TOLLIP: variants seen among roughly 807,000 people sequenced by gnomAD.
TOLLIP encodes the protein toll interacting protein, also known as toll-interacting protein.
A neutral mutation model predicts 33.5 loss-of-function variants in TOLLIP; 16 were observed. That is an observed-to-expected ratio of 0.48 (90% confidence interval 0.32 to 0.72). The LOEUF is 0.72. TOLLIP is among the 30% of genes least tolerant of loss of function. TOLLIP has a pLI of 0.03. For missense variants in TOLLIP, 325 were observed against 396.6 expected (o/e 0.82, Z 1.53); for synonymous variants, 176 against 163.7 (o/e 1.07, Z -0.57).
chr11:1,302,688 C>A, intron 1 of TOLLIP: 1 of 986,248 alleles, frequency 1.0e-6, no homozygotes, highest in Non-Finnish European at 1.2e-6. Context: ...GCCTCATGCT[C>A]CACGCCAGTC....
chr11:1,286,018 G>C lies in TOLLIP; in HGVS notation c.594C>G (p.Gly198=). ...LMPTVYQQGV[G]YVPITGMPAV... is the part of the protein sequence containing the mutation. The stretch of plus-strand genomic sequence containing the variant: ...CACACGCACCTGTGATGGGCACATA[G>C]CCAACGCCCTGCTGGTACACTGTTG... The change falls in exon 5 of 6, where the codon GGC becomes GGG. Residue 198 remains glycine, a synonymous_variant. Transcript: ENST00000317204. The C allele has an allele frequency of 1.3e-6, 2 of 1,595,008 alleles. No homozygotes were observed. Among genetic ancestry groups the C allele is most frequent in the Non-Finnish European group, 1.7e-6 (2 of 1,171,970 alleles).
chr11:1,301,891 A>C (rs939929917), intron 1 of TOLLIP, among the ~76,000 whole-genome samples: 3 of 152,276 alleles, frequency 2.0e-5, no homozygotes, highest in Admixed American at 2.0e-4. Flanking sequence ...ATATGGGCGG[A>C]AGTCAGTCTC....
chr11:1,286,404 G>C (rs1054594587), intron 4 of TOLLIP, among the ~76,000 whole-genome samples: 2 of 152,196 alleles, frequency 1.3e-5, no homozygotes, highest in Non-Finnish European at 2.9e-5. Context: ...GAGTCGGCCT[G>C]GGGGGAACCA....
rs200578328 is a variant in TOLLIP, at chr11:1,277,010, G to T, written c.*29C>A. 52 of 1,605,766 alleles carry T rather than the reference G, an allele frequency of 3.2e-5. No homozygotes were observed. The African/African-American group carries it at 6.5e-4, about 20-fold the overall frequency. ...CGCCGGGTCGGCGTGTCCAAAGAGCGGGGGCAAAACGGCATCGAGGCAGAG... is the reference window on the plus strand; with the variant it reads ...CGCCGGGTCGGCGTGTCCAAAGAGCTGGGGCAAAACGGCATCGAGGCAGAG... On this transcript the variant is annotated 3_prime_UTR_variant, in exon 6 of 6. Coordinates refer to ENST00000317204, the MANE Select transcript of TOLLIP (RefSeq NM_019009.4). The surrounding 1 kb of genome is among the most constrained non-coding windows in gnomAD (Gnocchi z 4.2).
chr11:1,301,676 G>T (rs1276148434), intron 1 of TOLLIP, among the ~76,000 whole-genome samples: 1 of 152,098 alleles, frequency 6.6e-6, no homozygotes, highest in East Asian at 1.9e-4. Context: ...GCCAGCCCAC[G>T]GAGGCCCCAA....
At chr11:1,307,372 C>T (rs945588801) in intron 1 of TOLLIP, among the ~76,000 whole-genome samples, 4 of 152,218 alleles carry the variant, frequency 2.6e-5, no homozygotes, top group East Asian at 1.9e-4. Flanking sequence ...ACAGGCCCTG[C>T]GTGTGAGAAC....
In TOLLIP at chr11:1,277,162, C is replaced by T. The variant is rs1440615549; in HGVS notation, c.702G>A (p.Leu234=). The change falls in exon 6 of 6, where the codon CTG becomes CTA. Residue 234 remains leucine (L), a synonymous_variant. Coordinates refer to ENST00000317204, the MANE Select transcript of TOLLIP (RefSeq NM_019009.4). The surrounding 1 kb of genome is among the most constrained non-coding windows in gnomAD (Gnocchi z 4.2). Reference sequence around the variant, plus strand: ...TGGGGAACATGTCCTGGATGGCTTTCAGGTCCTCCTCGCTACAGCGGGGCT... The same window carrying T: ...TGGGGAACATGTCCTGGATGGCTTTTAGGTCCTCCTCGCTACAGCGGGGCT... ...NAQPRCSEED[L]KAIQDMFPNM... 14 of 1,612,956 alleles carry T rather than the reference C, an allele frequency of 8.7e-6. No homozygotes were observed. Among genetic ancestry groups the T allele is most frequent in the Middle Eastern group, 1.6e-4 (1 of 6,080 alleles).
At chr11:1,282,220 A>G (rs922847275) in intron 5 of TOLLIP, among the ~76,000 whole-genome samples, 2 of 152,232 alleles carry the variant, frequency 1.3e-5, no homozygotes, top group South Asian at 2.1e-4. Flanking sequence ...GGCCCAGAGA[A>G]GGATCAGAGG....
Position 1,277,292 on chromosome 11 carries a change from G to T in TOLLIP, c.611-39C>A. On this transcript the variant is annotated intron_variant, in intron 5 of 5. Transcript: ENST00000317204. This position sits in a 1 kb window ranked among gnomAD's most constrained non-coding sequence, Gnocchi z 4.2. ...TCAAGTTTGGTAAAAACGTCGGAAAGTTCCAGAAGTGCCACACTAGCTCCT... is the reference window on the plus strand; with the variant it reads ...TCAAGTTTGGTAAAAACGTCGGAAATTTCCAGAAGTGCCACACTAGCTCCT... 1 of 1,474,102 alleles carries T rather than the reference G, an allele frequency of 6.8e-7. No homozygotes were observed. The highest frequency in any genetic ancestry group is 1.3e-5 in the South Asian group (1 of 74,904). The allele number at this position is 1,474,102 out of a possible 1,614,324, so 91.3% of individuals were successfully genotyped here. A position where few individuals can be genotyped will look rare whatever the true frequency, so the allele number is the denominator to read the frequency against.
chr11:1,286,816 T>C (rs1223012273), intron 4 of TOLLIP, among the ~76,000 whole-genome samples: 1 of 152,028 alleles, frequency 6.6e-6, no homozygotes, highest in African/African-American at 2.4e-5. Flanking sequence ...CAACCGTGGA[T>C]AAGTCACTGC....
At chr11:1,302,851 GC>G in intron 1 of TOLLIP, 6 of 955,948 alleles carry the variant, frequency 6.3e-6, no homozygotes, top group Non-Finnish European at 7.5e-6. Flanking sequence ...CCGCTCAGCA[GC>G]CCCCTCCCAG....
chr11:1,276,716 C>G lies in TOLLIP; in HGVS notation c.*323G>C, dbSNP rs1202853136. ...GGAAGGCGCTCCACCACCTCCAACA[C>G]CCTGGCAGAAGCAGCTGCTCTCTAC... On this transcript the variant is annotated 3_prime_UTR_variant, in exon 6 of 6. Coordinates refer to ENST00000317204, the MANE Select transcript of TOLLIP (RefSeq NM_019009.4). The G allele has an allele frequency of 7.0e-7, 1 of 1,434,844 alleles. No individual in the cohort carries two copies. The highest frequency in any genetic ancestry group is 3.2e-5 in the East Asian group (1 of 31,486). 88.9% of individuals were successfully genotyped at this position (1,434,844 alleles called of 1,614,324 possible). A position where few individuals can be genotyped will look rare whatever the true frequency, so the allele number is the denominator to read the frequency against.
At chr11:1,298,750 C>T (rs555594025) in intron 1 of TOLLIP, among the ~76,000 whole-genome samples, 4 of 152,358 alleles carry the variant, frequency 2.6e-5, no homozygotes, top group African/African-American at 7.2e-5. Context: ...GCCCGGGGAC[C>T]GCAGCCAGCG....
intron 2 of TOLLIP, among the ~76,000 whole-genome samples, chr11:1,292,573 A>C (rs1251826868): frequency 2.0e-5 from 3 of 152,246 alleles, no homozygotes; most frequent in Non-Finnish European, 4.4e-5. Flanking sequence ...TGCTCTGCTG[A>C]AGTGACCTCC....
Position 1,290,287 on chromosome 11 carries a change from CT to C in TOLLIP, c.305del (p.Lys102ArgfsTer41), listed in dbSNP as rs1463088439. On this transcript the variant is annotated frameshift_variant, in exon 3 of 6. Transcript: ENST00000317204. LOFTEE classifies it high-confidence loss of function. This position sits in a 1 kb window ranked among gnomAD's most constrained non-coding sequence, Gnocchi z 4.9. ...CTGGGGGCACCGTGCAGTGGATGAC[CT>C]TATTCCAGCGGGGATTCTTGGCGCC... Reference protein sequence around the residue: ...HNGAKNPRWNKVIHCTVPPGV... With the variant: ...HNGAKNPRWNXVIHCTVPPGV... 8.7e-6 allele frequency: 14 copies of C among 1,613,620 alleles called. No individual in the cohort carries two copies. The highest frequency in any genetic ancestry group is 1.2e-5 in the Non-Finnish European group (14 of 1,179,968).
chr11:1,282,565 C>G (rs1353068177), intron 5 of TOLLIP, among the ~76,000 whole-genome samples: 2 of 150,714 alleles, frequency 1.3e-5, no homozygotes, highest in East Asian at 3.9e-4. Context: ...ACATGGCACA[C>G]GGATACATAT....
intron 1 of TOLLIP, among the ~76,000 whole-genome samples, chr11:1,301,837 T>A (rs183679660): frequency 1.3e-5 from 2 of 152,280 alleles, no homozygotes; most frequent in Admixed American, 1.3e-4. Flanking sequence ...AGGAAGCTAA[T>A]GAAACAGAGA....
chr11:1,279,276 G>A (rs1012926751), intron 5 of TOLLIP, among the ~76,000 whole-genome samples: 2 of 152,244 alleles, frequency 1.3e-5, no homozygotes, highest in African/African-American at 2.4e-5. Context: ...GAAGAGGTGG[G>A]TGCTTCCACG....
At chr11:1,299,783 A>G (rs1864211824) in intron 1 of TOLLIP, among the ~76,000 whole-genome samples, 1 of 152,226 alleles carries the variant, frequency 6.6e-6, no homozygotes, top group Admixed American at 6.5e-5. Context: ...CGGGCACGTG[A>G]GCACAGGATG....
Sources: gnomAD v4.1 joint callset for allele counts (sites outside exome capture counted in the v4.1 genomes callset) on GRCh38, gnomAD v4.1.1 for gene constraint, Gnocchi (gnomAD v3.1) non-coding constraint, MANE v1.5 for transcripts, NCBI Gene and HGNC (gene_info 2026-07-23, HGNC 2026-07-21) for gene names.